The following SNTG1 variants were observed in gnomAD, a reference collection of about 807,000 sequenced individuals.
The protein encoded by SNTG1 is syntrophin gamma 1.
SNTG1 carries 39 observed loss-of-function variants against 74.7 expected under a neutral mutation model. The observed-to-expected ratio is 0.52, with a 90% CI of 0.40 to 0.68. The LOEUF is 0.68. SNTG1 is among the 30% of genes least tolerant of loss of function. The pLI is 0.00. For missense variants in SNTG1, 685 were observed against 609.5 expected (o/e 1.12, Z -1.30); for synonymous variants, 254 against 217.1 (o/e 1.17, Z -1.49).
intron 17 of SNTG1, among the ~76,000 whole-genome samples, chr8:50,721,514 G>T (rs1219873914): frequency 1.3e-5 from 2 of 152,078 alleles, no homozygotes; most frequent in Non-Finnish European, 2.9e-5. Context: ...TGCTTTCCTG[G>T]GTTTAGTGTC....
At chr8:50,358,479 G>C (rs766536407) in intron 2 of SNTG1, among the ~76,000 whole-genome samples, 1 of 152,154 alleles carries the variant, frequency 6.6e-6, no homozygotes, top group Non-Finnish European at 1.5e-5. Context: ...CATAAAGTGG[G>C]ATGGATGGCC....
chr8:50,405,989 A>G (rs2092870320), intron 4 of SNTG1, among the ~76,000 whole-genome samples: 1 of 151,910 alleles, frequency 6.6e-6, no homozygotes, highest in Non-Finnish European at 1.5e-5. Flanking sequence ...GTTTGTTTTT[A>G]CTGTAGCTTT....
chr8:50,581,976 G>A (rs1418183924), intron 12 of SNTG1, among the ~76,000 whole-genome samples: 1 of 152,176 alleles, frequency 6.6e-6, no homozygotes, highest in Non-Finnish European at 1.5e-5. Context: ...TGGAGTTTTA[G>A]AGAGTCCTTG....
chr8:50,323,344 G>A (rs1188324390), intron 2 of SNTG1, among the ~76,000 whole-genome samples: 3 of 152,082 alleles, frequency 2.0e-5, no homozygotes, highest in Non-Finnish European at 4.4e-5. Flanking sequence ...ATTGCTCCCT[G>A]GTGACTTATT....
intron 15 of SNTG1, among the ~76,000 whole-genome samples, chr8:50,684,729 G>GTTTTTTTTTTTT (rs1163252511): frequency 2.2e-5 from 3 of 134,592 alleles, no homozygotes; most frequent in Non-Finnish European, 1.6e-5. Flanking sequence ...TTTTGTTTTT[G>GTTTTTTTTTTTT]TTTTTTTTTT....
intron 1 of SNTG1, among the ~76,000 whole-genome samples, chr8:50,039,454 CAAAAAAAA>C (rs568678808): frequency 6.3e-4 from 29 of 46,154 alleles, no homozygotes; most frequent in African/African-American, 2.0e-3. Context: ...GACTCCGTCT[CAAAAAAAA>C]AAAAAAAAAA....
At chr8:50,023,202 G>A (rs896532455) in intron 1 of SNTG1, among the ~76,000 whole-genome samples, 1 of 152,070 alleles carries the variant, frequency 6.6e-6, no homozygotes, top group African/African-American at 2.4e-5. Context: ...GGAAGAGACG[G>A]GAAGGAAGCA....
intron 8 of SNTG1, among the ~76,000 whole-genome samples, chr8:50,494,325 C>G (rs533175159): frequency 6.6e-6 from 1 of 151,910 alleles, no homozygotes; most frequent in East Asian, 1.9e-4. Context: ...ATTCAAAATA[C>G]AGTATTGGCA....
At chr8:50,592,071 G>T (rs2094695507) in intron 13 of SNTG1, among the ~76,000 whole-genome samples, 1 of 152,134 alleles carries the variant, frequency 6.6e-6, no homozygotes, top group Non-Finnish European at 1.5e-5. Context: ...GTGTCATCTT[G>T]AGAACTGCAG....
chr8:49,915,891 C>T (rs994233963), intron 1 of SNTG1, among the ~76,000 whole-genome samples: 3 of 152,112 alleles, frequency 2.0e-5, no homozygotes, highest in Admixed American at 6.5e-5. Context: ...ATTCATAGGC[C>T]TCTTTAGGAC....
intron 1 of SNTG1, among the ~76,000 whole-genome samples, chr8:50,024,493 A>G (rs981044168): frequency 2.0e-4 from 30 of 152,126 alleles, no homozygotes; most frequent in Non-Finnish European, 2.6e-4. Flanking sequence ...ATTACTCTCA[A>G]TACATTTTCT....
intron 15 of SNTG1, among the ~76,000 whole-genome samples, chr8:50,673,882 ATGAAG>A (rs1229298605): frequency 6.6e-6 from 1 of 152,294 alleles, no homozygotes; most frequent in African/African-American, 2.4e-5. Context: ...AGTTTTTAAC[ATGAAG>A]TGATGTTGAA....
intron 13 of SNTG1, among the ~76,000 whole-genome samples, chr8:50,623,419 T>C (rs1345613545): frequency 6.6e-6 from 1 of 152,156 alleles, no homozygotes; most frequent in Non-Finnish European, 1.5e-5. Flanking sequence ...TAATTTTTCT[T>C]CAATTTATTT....
At chr8:50,312,336 A>G (rs1277874197) in intron 2 of SNTG1, among the ~76,000 whole-genome samples, 1 of 152,154 alleles carries the variant, frequency 6.6e-6, no homozygotes, top group Admixed American at 6.6e-5. Flanking sequence ...GATTGTCTCA[A>G]AATAACACAG....
chr8:50,127,647 A>G (rs573549306), intron 1 of SNTG1, among the ~76,000 whole-genome samples: 1 of 152,276 alleles, frequency 6.6e-6, no homozygotes, highest in East Asian at 1.9e-4. Context: ...CAAGACATTT[A>G]GTCAGTTTTC....
rs60899125 is a variant in SNTG1 at position 50,439,716 on chromosome 8, C to CTT, written c.219+1134_219+1135dup. Among the ~76,000 whole-genome samples, 125 of 102,024 alleles carry CTT rather than the reference C, an allele frequency of 1.2e-3. 1 individual carries two copies. Among genetic ancestry groups the CTT allele is most frequent in the East Asian group, 4.3e-3 (16 of 3,700 alleles). The allele number at this position is 102,024 out of a possible 152,430, so 66.9% of individuals were successfully genotyped here. On this transcript the variant is annotated intron_variant, in intron 5 of 18. Coordinates refer to ENST00000642720, the MANE Select transcript of SNTG1 (RefSeq NM_018967.5). ...ATAAATGAGATTTTTTTTTGTTTTG[C>CTT]TTTTTTTTTTTTTTTTTTGGCCAGG...
chr8:50,356,684 C>G (rs933100696), intron 2 of SNTG1, among the ~76,000 whole-genome samples: 3 of 151,964 alleles, frequency 2.0e-5, no homozygotes, highest in Admixed American at 6.6e-5. Flanking sequence ...GCCTCTAATC[C>G]CATTCATGAA....
intron 1 of SNTG1, among the ~76,000 whole-genome samples, chr8:49,964,036 C>T (rs1810926727): frequency 6.6e-6 from 1 of 152,150 alleles, no homozygotes; most frequent in South Asian, 2.1e-4. Flanking sequence ...TCACAAAAGT[C>T]ACAGCACCTT....
intron 15 of SNTG1, among the ~76,000 whole-genome samples, chr8:50,699,033 G>T (rs971155651): frequency 6.6e-6 from 1 of 151,992 alleles, no homozygotes; most frequent in African/African-American, 2.4e-5. Flanking sequence ...TAATATGTTT[G>T]TAAACAAAAA....
Sources: allele counts gnomAD v4.1 joint callset (sites outside exome capture counted in the v4.1 genomes callset), GRCh38; gene constraint gnomAD v4.1.1; transcripts MANE v1.5; gene names NCBI Gene and HGNC (gene_info 2026-07-23, HGNC 2026-07-21).